C11orf16: variants seen among roughly 807,000 people sequenced by gnomAD.
C11orf16 encodes the protein uncharacterized protein C11orf16.
In C11orf16, 38 loss-of-function variants were observed where a neutral mutation model predicts 45.1. That is an observed-to-expected ratio of 0.84 (90% CI 0.65 to 1.10). The LOEUF (loss-of-function observed/expected upper bound fraction) is 1.10, where lower values mean the gene tolerates loss of function less well. Ranked by LOEUF, C11orf16 falls within the 50% of genes least tolerant of loss-of-function variation. The pLI, the probability that C11orf16 is intolerant of heterozygous loss-of-function variation, is 0.00. For synonymous variants in C11orf16, 221 were observed against 222.0 expected (o/e 1.00, Z 0.04); for missense variants, 583 against 569.5 (o/e 1.02, Z -0.24).
intron 6 of C11orf16, among the ~76,000 whole-genome samples, chr11:8,920,749 G>A (rs1263696206): frequency 6.6e-6 from 1 of 152,168 alleles, no homozygotes; most frequent in Non-Finnish European, 1.5e-5. Flanking sequence ...GCTCACTTGA[G>A]CCCAGGAGTT....
rs748749633 is a variant in C11orf16 at position 8,926,119 on chromosome 11, A to G, written c.560-12T>C. 1 of 1,548,462 alleles carries G rather than the reference A, an allele frequency of 6.5e-7. No homozygotes were observed. ...TTTTTCCTTTGATGCTACATAACAA[A>G]AAATGGCAACATTTTGTTATAATTA... On this transcript the variant is annotated splice_polypyrimidine_tract_variant and intron_variant, in intron 4 of 6. Coordinates refer to ENST00000326053, the MANE Select transcript of C11orf16 (RefSeq NM_020643.3).
intron 5 of C11orf16, among the ~76,000 whole-genome samples, chr11:8,922,483 A>G (rs1396523896): frequency 2.0e-5 from 3 of 152,242 alleles, no homozygotes; most frequent in Admixed American, 1.3e-4. Context: ...TTTTAAAACT[A>G]CAGATTGAAT....
chr11:8,920,698 A>T (rs1291845999), intron 6 of C11orf16, among the ~76,000 whole-genome samples: 1 of 152,124 alleles, frequency 6.6e-6, no homozygotes, highest in East Asian at 1.9e-4. Flanking sequence ...GCATGTGCCT[A>T]GCTACTCAGG....
At chr11:8,921,979 T>A (rs1422634876) in intron 5 of C11orf16, among the ~76,000 whole-genome samples, 1 of 152,196 alleles carries the variant, frequency 6.6e-6, no homozygotes, top group Non-Finnish European at 1.5e-5. Flanking sequence ...CCATGTAATG[T>A]TTTCTATTTT....
intron 5 of C11orf16, 111 bp from the exon 6 acceptor site, chr11:8,921,626 T>A: frequency 2.0e-6 from 2 of 1,024,170 alleles, no homozygotes; most frequent in Non-Finnish European, 2.9e-6. Context: ...TTGTTTTCTT[T>A]TCATTTATTA....
chr11:8,925,190 A>G lies in C11orf16; in HGVS notation c.1204+273T>C, dbSNP rs150688958. On this transcript the variant is annotated intron_variant, in intron 5 of 6. Transcript: ENST00000326053. Reference sequence around the variant, plus strand: ...TGGCAGTGCTCTATCAGTAGAGACTAGTGAAGAAAGAAAAAGGCAGGTATT... The same window carrying G: ...TGGCAGTGCTCTATCAGTAGAGACTGGTGAAGAAAGAAAAAGGCAGGTATT... 4.7e-3 allele frequency among the ~76,000 whole-genome samples: 713 copies of G among 152,376 alleles called. 4 individuals are homozygous for G. The highest frequency in any genetic ancestry group is 8.4e-3 in the Non-Finnish European group (571 of 68,038).
At chr11:8,921,263 A>C (rs2064570509) in intron 6 of C11orf16, 31 bp downstream of exon 6, 1 of 1,584,592 alleles carries the variant, frequency 6.3e-7, no homozygotes. Context: ...AGGAGTCCTT[A>C]GGAAGCCCCT....
chr11:8,931,285 G>A (rs1252103017), intron 2 of C11orf16, among the ~76,000 whole-genome samples: 2 of 151,934 alleles, frequency 1.3e-5, no homozygotes, highest in Non-Finnish European at 2.9e-5. Context: ...GCGCAGTGGC[G>A]CTGTCTCGGC....
chr11:8,929,399 GC>G lies in C11orf16; in HGVS notation c.301del (p.Ala101ProfsTer3). On this transcript the variant is annotated frameshift_variant, in exon 3 of 7. Coordinates refer to ENST00000326053, the MANE Select transcript of C11orf16 (RefSeq NM_020643.3). LOFTEE classifies it high-confidence loss of function. ...TGCCTCGGGAGTGGCCTTTATTTGG[GC>G]CCGGTAGTAAAAACCATCTGCTTCC... is the stretch of plus-strand genomic sequence containing the variant. ...RREADGFYYRAQIKATPELER... is the reference protein window; with the variant it reads ...RREADGFYYRXQIKATPELER... The G allele has an allele frequency of 6.2e-7, 1 of 1,613,994 alleles. No individual in the cohort carries two copies. Among genetic ancestry groups the G allele is most frequent in the African/African-American group, 1.3e-5 (1 of 75,018 alleles).
rs376326207 is a variant in C11orf16, at chr11:8,921,500, T to C, written c.1220A>G (p.Asn407Ser). Residue 407 changes from asparagine (N) to serine (S), a missense_variant, in exon 6 of 7, where the codon AAC becomes AGC. Physicochemically the swap from Asn to Ser is conservative, Grantham distance 46 (BLOSUM62 1). Coordinates refer to ENST00000326053, the MANE Select transcript of C11orf16 (RefSeq NM_020643.3). ...GTGATCCTTTTCTTCTTTGCAGATG[T>C]TGGAATATCTTGTTCCTAAACCCAA... ...CLGKPGTRYS[N>S]ICKEEKDHKQ... 1.9e-6 allele frequency: 3 copies of C among 1,614,230 alleles called. No individual in the cohort carries two copies. The Admixed American group carries it at 5.0e-5, about 27-fold the overall frequency.
chr11:8,929,636 G>A, intron 2 of C11orf16, 103 bp from the exon 3 acceptor site: 1 of 1,105,984 alleles, frequency 9.0e-7, no homozygotes. Flanking sequence ...CAGCACATGA[G>A]GCATGCGGAA....
In C11orf16 at chr11:8,927,023, A is replaced by T. The variant is rs1489657226; in HGVS notation, c.476T>A (p.Val159Glu). 2 of 1,614,032 alleles carry T rather than the reference A, an allele frequency of 1.2e-6. No individual in the cohort carries two copies. Among genetic ancestry groups the T allele is most frequent in the Non-Finnish European group, 1.7e-6 (2 of 1,180,006 alleles). The change falls in exon 4 of 7, where the codon GTG becomes GAG. Residue 159 changes from valine (V) to glutamate (E), a missense_variant. Physicochemically the swap from Val to Glu is moderately radical, Grantham distance 121 (BLOSUM62 -2). Transcript: ENST00000326053. ...VGYSLRPGDKVLALWEPGQQQ... is the reference protein window; with the variant it reads ...VGYSLRPGDKELALWEPGQQQ... ...TTGGCCTGGCTCCCAGAGTGCCAGC[A>T]CCTTATCCCCTGGTCTCAGTGAGTA...
At chr11:8,929,186 G>A in intron 3 of C11orf16, 191 bp downstream of exon 3, 1 of 566,144 alleles carries the variant, frequency 1.8e-6, no homozygotes, top group Non-Finnish European at 3.0e-6. Context: ...TCCGTTTGTT[G>A]CACTTTGTTA....
Position 8,926,059 on chromosome 11 carries a change from G to C in C11orf16, c.608C>G (p.Ala203Gly). 1 of 1,613,338 alleles carries C rather than the reference G, an allele frequency of 6.2e-7. No individual in the cohort carries two copies. The highest frequency in any genetic ancestry group is 8.5e-7 in the Non-Finnish European group (1 of 1,179,472). The change falls in exon 5 of 7, where the codon GCT (alanine) becomes GGT (glycine). Residue 203 changes from alanine (A) to glycine (G), a missense_variant. By Grantham distance (60) the Ala-to-Gly change is moderately conservative. Transcript: ENST00000326053. ...ITVHFWNGKA[A>G]KVPLGGVQSV... is the part of the protein sequence containing the mutation. ...CTGGACCCCACCTAGGGGCACTTTAGCAGCTTTGCCATTCCAGAAATGAAC... is the reference window on the plus strand; with the variant it reads ...CTGGACCCCACCTAGGGGCACTTTACCAGCTTTGCCATTCCAGAAATGAAC...
intron 4 of C11orf16, 64 bp from the exon 5 acceptor site, chr11:8,926,171 T>A (rs952270064): frequency 9.5e-6 from 13 of 1,363,506 alleles, no homozygotes; most frequent in Middle Eastern, 2.5e-4. Context: ...TTTTCTTTTT[T>A]CTTTTTTTCT....
intron 3 of C11orf16, 185 bp from the exon 4 acceptor site, chr11:8,927,359 G>A (rs1203278938): frequency 5.0e-6 from 3 of 603,844 alleles, no homozygotes; most frequent in Admixed American, 5.6e-5. Context: ...GGCAGGCTGT[G>A]TGGCACGGTT....
At chr11:8,924,903 G>C (rs1235692702) in intron 5 of C11orf16, among the ~76,000 whole-genome samples, 1 of 152,176 alleles carries the variant, frequency 6.6e-6, no homozygotes, top group East Asian at 1.9e-4. Context: ...TGCAGTGTGG[G>C]GCTGGCTGCA....
Position 8,925,809 on chromosome 11 carries a change from C to T in C11orf16, c.858G>A (p.Pro286=), listed in dbSNP as rs1341281810. 17 of 1,614,106 alleles carry T rather than the reference C, an allele frequency of 1.1e-5. No individual in the cohort carries two copies. The highest frequency in any genetic ancestry group is 3.3e-5 in the Admixed American group (2 of 60,034). ...GAGGCCACCAAGTCGTGCCACATGG[C>T]GGGCAGCCACAGAGGCAGCCCTGGC... ...LLCQGCLCGC[P]PCGTTWWPLT... Residue 286 remains proline (P), a synonymous_variant, in exon 5 of 7, where the codon CCG becomes CCA. Transcript: ENST00000326053.
intron 4 of C11orf16, among the ~76,000 whole-genome samples, chr11:8,926,689 C>T (rs1281052054): frequency 6.6e-6 from 1 of 152,034 alleles, no homozygotes; most frequent in Non-Finnish European, 1.5e-5. Context: ...GTTTAGCTAA[C>T]CAACATAGAT....
Sources: gnomAD v4.1 joint callset for allele counts (sites outside exome capture counted in the v4.1 genomes callset) on GRCh38, gnomAD v4.1.1 for gene constraint, MANE v1.5 for transcripts, NCBI Gene and HGNC (gene_info 2026-07-23, HGNC 2026-07-21) for gene names.